Variants in KY observed in about 807,000 individuals in gnomAD.
KY encodes the protein kyphoscoliosis peptidase.
In KY, 43 loss-of-function variants were observed where a neutral mutation model predicts 76.1. The ratio of observed to expected loss-of-function variants is 0.57; its 90% confidence interval spans 0.44 to 0.73. KY has a LOEUF of 0.73. KY is among the 30% of genes least tolerant of loss of function. KY has a pLI of 0.00. For synonymous variants in KY, 277 were observed against 326.2 expected, an observed-to-expected ratio of 0.85 and a Z score of 1.63; for missense variants, 722 against 828.9, an observed-to-expected ratio of 0.87 and a Z score of 1.58.
At chr3:134,649,630 A>C (rs1023566704) in intron 1 of KY, among the ~76,000 whole-genome samples, 41 of 152,334 alleles carry the variant, frequency 2.7e-4, no homozygotes, top group African/African-American at 9.1e-4. Flanking sequence ...CTCCTGCTTC[A>C]GTCAGGAATC....
chr3:134,609,964 T>C (rs566076563), intron 9 of KY, among the ~76,000 whole-genome samples: 1 of 152,234 alleles, frequency 6.6e-6, no homozygotes, highest in Admixed American at 6.5e-5. Flanking sequence ...GAGGGAGTTA[T>C]AGGGAGTCAG....
At chr3:134,622,243 C>T (rs1962756263) in intron 6 of KY, among the ~76,000 whole-genome samples, 1 of 152,192 alleles carries the variant, frequency 6.6e-6, no homozygotes, top group Non-Finnish European at 1.5e-5. Flanking sequence ...GGCAGAGACT[C>T]AAACAGACAT....
chr3:134,617,122 G>T (rs932894764), intron 8 of KY, among the ~76,000 whole-genome samples: 19 of 152,182 alleles, frequency 1.2e-4, no homozygotes, highest in African/African-American at 4.3e-4. Context: ...GTAGACCCAG[G>T]TCTTTCTAGC....
rs1960117255 is a variant in KY at position 134,610,177 on chromosome 3, A to C, written c.899+18T>G. On this transcript the variant is annotated intron_variant, in intron 9 of 10. Coordinates refer to ENST00000423778, the MANE Select transcript of KY (RefSeq NM_178554.6). ...TTCCACCTGCCAGACGCCCAGCAGA[A>C]CTGAGACAAGTACTTACAGGAAGGT... The C allele has an allele frequency of 6.2e-7, 1 of 1,606,380 alleles. No homozygotes were observed. Among genetic ancestry groups the C allele is most frequent in the African/African-American group, 1.3e-5 (1 of 74,806 alleles).
At chr3:134,608,490 TCCA>T in intron 10 of KY, 156 bp downstream of exon 10, 1 of 1,545,576 alleles carries the variant, frequency 6.5e-7, no homozygotes, top group South Asian at 1.2e-5. Flanking sequence ...CTCAGCAGCC[TCCA>T]CTCATCCACA....
At chr3:134,625,791 C>T (rs962738700) in intron 5 of KY, among the ~76,000 whole-genome samples, 1 of 152,238 alleles carries the variant, frequency 6.6e-6, no homozygotes, top group South Asian at 2.1e-4. Context: ...AAAGGCTGGG[C>T]CTCCAAATCA....
At chr3:134,608,532 C>T (rs188367503) in intron 10 of KY, 117 bp downstream of exon 10, 35 of 1,596,390 alleles carry the variant, frequency 2.2e-5, no homozygotes, top group Middle Eastern at 1.7e-4. Flanking sequence ...GCTAAGCTCA[C>T]AAGCCATGCG....
Position 134,620,785 on chromosome 3 carries a change from C to A in KY, c.556G>T (p.Val186Phe). The A allele has an allele frequency of 6.2e-7, 1 of 1,613,776 alleles. No individual in the cohort carries two copies. Among genetic ancestry groups the A allele is most frequent in the Non-Finnish European group, 8.5e-7 (1 of 1,179,802 alleles). Residue 186 changes from valine to phenylalanine, a missense_variant, in exon 7 of 11, where the codon GTC becomes TTC. Coordinates refer to ENST00000423778, the MANE Select transcript of KY (RefSeq NM_178554.6). ...CAGATCCAGATCCAGATGGCGCGGA[C>A]CCTTTCCAGGTCAGTGTGGGCCTCC... ...LQEAHTDLER[V>F]RAIWIWICHH...
chr3:134,620,716 T>C, intron 7 of KY, 33 bp downstream of exon 7: 2 of 1,502,802 alleles, frequency 1.3e-6, no homozygotes, highest in Non-Finnish European at 1.8e-6. Flanking sequence ...AAGCAAGGGA[T>C]TCTAGAGCCA....
chr3:134,624,668 A>G (rs963942533), intron 6 of KY, among the ~76,000 whole-genome samples: 8 of 152,192 alleles, frequency 5.3e-5, no homozygotes, highest in African/African-American at 1.9e-4. Flanking sequence ...GGCCATCTGC[A>G]TCCACGGTCC....
Position 134,604,005 on chromosome 3 carries a change from C to G in KY, c.1560G>C (p.Gln520His), listed in dbSNP as rs1312353757. The change falls in exon 11 of 11, where the codon CAG becomes CAC. Residue 520 changes from glutamine to histidine, a missense_variant. Transcript: ENST00000423778. ...GGGGCAGCTGGACTTTCAGCTCGGTCTGCTTCTCCCGGTGCAGCTGGAAGA... is the reference window on the plus strand; with the variant it reads ...GGGGCAGCTGGACTTTCAGCTCGGTGTGCTTCTCCCGGTGCAGCTGGAAGA... The part of the protein sequence containing the change: ...RYIFQLHREK[Q>H]TELKVQLPHA... The G allele has an allele frequency of 6.2e-7, 1 of 1,613,902 alleles. No individual in the cohort carries two copies.
At chr3:134,610,994 C>G (rs13075332) in intron 8 of KY, among the ~76,000 whole-genome samples, 27,667 of 152,194 alleles carry the variant, frequency 0.18, 3,287 homozygotes, top group Non-Finnish European at 0.27. Context: ...ATGTCTCCAG[C>G]CCTGGCCCAG....
intron 10 of KY, 84 bp downstream of exon 10, chr3:134,608,565 G>A: frequency 6.2e-7 from 1 of 1,611,278 alleles, no homozygotes; most frequent in East Asian, 2.2e-5. Context: ...TGCCTTGAAA[G>A]CGCAGTCTCA....
In KY at chr3:134,650,988, C is replaced by T; in HGVS notation, c.-28G>A. 1 of 1,612,536 alleles carries T rather than the reference C, an allele frequency of 6.2e-7. No homozygotes were observed. Among genetic ancestry groups the T allele is most frequent in the Non-Finnish European group, 8.5e-7 (1 of 1,179,208 alleles). Reference sequence around the variant, plus strand: ...TGCCGCCTCCTTTCCGACCTGGGCGCCGCGGCCGCACGCTAGGCTGCTTGC... The same window carrying T: ...TGCCGCCTCCTTTCCGACCTGGGCGTCGCGGCCGCACGCTAGGCTGCTTGC... On this transcript the variant is annotated 5_prime_UTR_variant, in exon 1 of 11. Transcript: ENST00000423778.
chr3:134,617,121 G>C (rs1167118591), intron 8 of KY, among the ~76,000 whole-genome samples: 1 of 152,162 alleles, frequency 6.6e-6, no homozygotes, highest in Non-Finnish European at 1.5e-5. Context: ...GGTAGACCCA[G>C]GTCTTTCTAG....
intron 6 of KY, among the ~76,000 whole-genome samples, chr3:134,623,856 C>T (rs1371115321): frequency 6.6e-6 from 1 of 152,118 alleles, no homozygotes; most frequent in Non-Finnish European, 1.5e-5. Context: ...AACTCTGACC[C>T]TTCCTGGCCT....
At chr3:134,620,509 C>T (rs2107833993) in intron 7 of KY, among the ~76,000 whole-genome samples, 1 of 152,254 alleles carries the variant, frequency 6.6e-6, no homozygotes, top group African/African-American at 2.4e-5. Flanking sequence ...CAGCTCTGGG[C>T]ACTGGTTATG....
chr3:134,628,623 T>C (rs1963785150), intron 4 of KY, among the ~76,000 whole-genome samples: 1 of 152,236 alleles, frequency 6.6e-6, no homozygotes, highest in African/African-American at 2.4e-5. Flanking sequence ...ACCTACCTTT[T>C]TGATAGAATG....
intron 6 of KY, among the ~76,000 whole-genome samples, chr3:134,622,893 G>C (rs1011687104): frequency 1.2e-4 from 18 of 152,096 alleles, no homozygotes; most frequent in Non-Finnish European, 2.1e-4. Context: ...ACATCTCACT[G>C]CTCACAAGAG....
Sources: gnomAD v4.1 joint callset for allele counts (sites outside exome capture counted in the v4.1 genomes callset) on GRCh38, gnomAD v4.1.1 for gene constraint, MANE v1.5 for transcripts, NCBI Gene and HGNC (gene_info 2026-07-23, HGNC 2026-07-21) for gene names.